Variants in WASL observed in about 807,000 individuals in gnomAD.
WASL encodes the protein actin nucleation-promoting factor WASL.
WASL carries 20 observed loss-of-function variants against 55.5 expected under a neutral mutation model. The observed-to-expected ratio is 0.36, with a 90% CI of 0.25 to 0.52. The LOEUF is 0.52. WASL is among the 20% of genes least tolerant of loss of function. The pLI is 0.92. For synonymous variants in WASL, 249 were observed against 217.6 expected (o/e 1.14, Z -1.27); for missense variants, 504 against 622.5 (o/e 0.81, Z 2.03).
intron 10 of WASL, among the ~76,000 whole-genome samples, chr7:123,687,991 T>C (rs1275209642): frequency 6.6e-6 from 1 of 152,186 alleles, no homozygotes; most frequent in Non-Finnish European, 1.5e-5. Context: ...TCTATATGTT[T>C]TGTGAGTTCT....
intron 1 of WASL, among the ~76,000 whole-genome samples, chr7:123,743,209 C>G (rs1012334218): frequency 6.6e-6 from 1 of 151,946 alleles, no homozygotes; most frequent in Non-Finnish European, 1.5e-5. Flanking sequence ...TAGTGGCACA[C>G]GCCTGTAGTT....
chr7:123,700,399 A>T (rs758043800), intron 5 of WASL, among the ~76,000 whole-genome samples: 11 of 151,510 alleles, frequency 7.3e-5, no homozygotes, highest in Non-Finnish European at 1.3e-4. Flanking sequence ...GTGTATTCTG[A>T]TATCTTGGTT....
At chr7:123,698,673 TA>T (rs1362774092) in intron 5 of WASL, among the ~76,000 whole-genome samples, 2 of 152,190 alleles carry the variant, frequency 1.3e-5, no homozygotes, top group Admixed American at 1.3e-4. Context: ...ATAATATGGA[TA>T]AAATCATTAA....
intron 9 of WASL, 79 bp from the exon 10 acceptor site, chr7:123,689,229 A>G: frequency 8.7e-6 from 10 of 1,146,506 alleles, no homozygotes; most frequent in Non-Finnish European, 1.3e-5. Context: ...CTACTTTCTT[A>G]GAATCACTTC....
At chr7:123,747,942 TG>T (rs997679134) in intron 1 of WASL, among the ~76,000 whole-genome samples, 1 of 151,630 alleles carries the variant, frequency 6.6e-6, no homozygotes, top group African/African-American at 2.4e-5. Flanking sequence ...TCCCTGCGCA[TG>T]GCTGCGGGGA....
intron 1 of WASL, among the ~76,000 whole-genome samples, chr7:123,716,639 G>C (rs1803846936): frequency 6.6e-6 from 1 of 151,806 alleles, no homozygotes; most frequent in Admixed American, 6.6e-5. Context: ...GATGGAGGGA[G>C]AGAGAGGTAA....
At chr7:123,688,923 G>T in intron 10 of WASL, 119 bp downstream of exon 10, 1 of 921,456 alleles carries the variant, frequency 1.1e-6, no homozygotes, top group Non-Finnish European at 1.7e-6. Flanking sequence ...TCAATTAGCA[G>T]AGAGAAAGCT....
chr7:123,706,060 T>C (rs991229622), intron 4 of WASL, among the ~76,000 whole-genome samples: 7 of 152,182 alleles, frequency 4.6e-5, no homozygotes, highest in Non-Finnish European at 8.8e-5. Context: ...TTGTAAATAG[T>C]AAATATTTCA....
chr7:123,744,545 T>C (rs372292573), intron 1 of WASL, among the ~76,000 whole-genome samples: 1 of 152,126 alleles, frequency 6.6e-6, no homozygotes, highest in African/African-American at 2.4e-5. Flanking sequence ...AGATTAAGGT[T>C]GATTAATAAA....
intron 1 of WASL, among the ~76,000 whole-genome samples, chr7:123,731,462 T>C (rs1804135152): frequency 6.6e-6 from 1 of 152,106 alleles, no homozygotes; most frequent in Admixed American, 6.5e-5. Flanking sequence ...CTGGATCTAG[T>C]TGACATTTAT....
chr7:123,723,686 G>A (rs1803992957), intron 1 of WASL, among the ~76,000 whole-genome samples: 1 of 152,188 alleles, frequency 6.6e-6, no homozygotes, highest in African/African-American at 2.4e-5. Context: ...ACCCAGGACT[G>A]ATGGGTTTAG....
chr7:123,721,426 T>C (rs1803940750), intron 1 of WASL, among the ~76,000 whole-genome samples: 1 of 152,148 alleles, frequency 6.6e-6, no homozygotes, highest in African/African-American at 2.4e-5. Flanking sequence ...GGTAAGGGCT[T>C]TGTAACAAGT....
intron 2 of WASL, among the ~76,000 whole-genome samples, chr7:123,708,315 G>T (rs781349425): frequency 6.6e-6 from 1 of 152,130 alleles, no homozygotes; most frequent in Non-Finnish European, 1.5e-5. Flanking sequence ...GAGACCAGAG[G>T]TGTAAAAATC....
In WASL at chr7:123,683,783, T is replaced by C. The variant is rs999945953; in HGVS notation, c.*736A>G. 6.6e-6 allele frequency: 1 copy of C among 152,026 alleles called. No homozygotes were observed. Among genetic ancestry groups the C allele is most frequent in the African/African-American group, 2.4e-5 (1 of 41,442 alleles). 9.4% of individuals were successfully genotyped at this position (152,026 alleles called of 1,614,324 possible). ...AATACCAAAAAAATTTTCAAAAATT[T>C]TGCTAAAAAGAGCCTGTCACATTTG... On this transcript the variant is annotated 3_prime_UTR_variant, in exon 11 of 11. Transcript: ENST00000223023.
chr7:123,696,610 T>C lies in WASL; in HGVS notation c.598A>G (p.Lys200Glu). Residue 200 changes from lysine to glutamate, a missense_variant, in exon 6 of 11, where the codon AAG (lysine) becomes GAG (glutamate). Physicochemically the swap from Lys to Glu is moderately conservative, Grantham distance 56 (BLOSUM62 1). Around this residue, in one of 5 missense-constraint regions of WASL, gnomAD observed 230 missense variants for 271.9 expected, o/e 0.85. Transcript: ENST00000223023. Reference sequence around the variant, plus strand: ...TTGCTTGGTGTTCCTATATCTGCCTTGGTTAATCTCTTCTTTTTAGCTTTT... The same window carrying C: ...TTGCTTGGTGTTCCTATATCTGCCTCGGTTAATCTCTTCTTTTTAGCTTTT... ...KGKAKKKRLT[K>E]ADIGTPSNFQ... 1 of 1,599,116 alleles carries C rather than the reference T, an allele frequency of 6.3e-7. No homozygotes were observed. Among genetic ancestry groups the C allele is most frequent in the Non-Finnish European group, 8.5e-7 (1 of 1,172,926 alleles).
At position 123,695,848 on chromosome 7, in the gene WASL, C is replaced by A; in HGVS notation, c.647G>T (p.Gly216Val). 6.2e-7 allele frequency: 1 copy of A among 1,612,522 alleles called. No homozygotes were observed. The highest frequency in any genetic ancestry group is 8.5e-7 in the Non-Finnish European group (1 of 1,179,004). The change falls in exon 7 of 11, where the codon GGT (glycine) becomes GTT (valine). Residue 216 changes from glycine (G) to valine (V), a missense_variant. Physicochemically the swap from Gly to Val is moderately radical, Grantham distance 109 (BLOSUM62 -3). This residue lies in a region of WASL where 230 missense variants were observed against 271.9 expected (regional missense o/e 0.85). Coordinates refer to ENST00000223023, the MANE Select transcript of WASL (RefSeq NM_003941.4). ...ATCAAAGCCTGTATTTGGATCCCAA[C>A]CAACATGTCCAATGTGCCTGAAGTA... ...PSNFQHIGHV[G>V]WDPNTGFDLN...
In WASL at chr7:123,704,681, ATAT is replaced by A. The variant is rs746694164; in HGVS notation, c.437-27_437-25del. The A allele has an allele frequency of 2.2e-6, 3 of 1,369,176 alleles. No homozygotes were observed. The Admixed American group carries it at 6.3e-5, about 29-fold the overall frequency. 84.8% of individuals were successfully genotyped at this position (1,369,176 alleles called of 1,614,324 possible). ...CTCTGTTAGAAAATAAATTAGAAGA[ATAT>A]TATTAAATATATGTAAGACAACATC... On this transcript the variant is annotated intron_variant, in intron 4 of 10. Coordinates refer to ENST00000223023, the MANE Select transcript of WASL (RefSeq NM_003941.4).
intron 1 of WASL, among the ~76,000 whole-genome samples, chr7:123,743,156 G>A (rs902495940): frequency 2.0e-5 from 3 of 152,044 alleles, no homozygotes; most frequent in Admixed American, 1.3e-4. Flanking sequence ...GGCCAGCATG[G>A]TGAAACCCTG....
intron 1 of WASL, among the ~76,000 whole-genome samples, chr7:123,720,594 T>C (rs1803928304): frequency 6.6e-6 from 1 of 151,864 alleles, no homozygotes; most frequent in Admixed American, 6.6e-5. Context: ...AAGAAATGAC[T>C]AGGCAAATGA....
Sources: allele counts gnomAD v4.1 joint callset (sites outside exome capture counted in the v4.1 genomes callset), GRCh38; gene constraint gnomAD v4.1.1; regional missense constraint gnomAD v4.1.1; transcripts MANE v1.5; gene names NCBI Gene and HGNC (gene_info 2026-07-23, HGNC 2026-07-21).